Variants in WWOX observed in about 807,000 individuals in gnomAD.
The protein encoded by WWOX is WW domain-containing oxidoreductase.
In WWOX, 69 loss-of-function variants were observed where a neutral mutation model predicts 46.2. The ratio of observed to expected loss-of-function variants is 1.49; its 90% CI spans 1.23 to 1.82. The LOEUF (loss-of-function observed/expected upper bound fraction) is 1.82. WWOX is among the 40% of genes most tolerant of loss of function. The pLI is 0.00. For synonymous variants in WWOX, 359 were observed against 202.6 expected (o/e 1.77, Z -6.56); for missense variants, 919 against 542.6 (o/e 1.69, Z -6.89).
chr16:78,544,074 G>C (rs2043963881), intron 8 of WWOX, among the ~76,000 whole-genome samples: 1 of 152,154 alleles, frequency 6.6e-6, no homozygotes, highest in Admixed American at 6.5e-5. Flanking sequence ...TAGCCAAGCA[G>C]AAACCCATGT....
intron 8 of WWOX, among the ~76,000 whole-genome samples, chr16:78,846,022 C>T (rs980797226): frequency 1.3e-5 from 2 of 152,134 alleles, no homozygotes; most frequent in Non-Finnish European, 2.9e-5. Flanking sequence ...ATGCGGGAGG[C>T]ACTGCACAGG....
rs74035087 is a variant in WWOX, at chr16:79,153,961, C to G, written c.1057-57647C>G. Among the ~76,000 whole-genome samples, 34 of 152,118 alleles carry G rather than the reference C, an allele frequency of 2.2e-4. No homozygotes were observed. In the South Asian group the frequency reaches 6.8e-3, roughly 31 times the overall value. On this transcript the variant is annotated intron_variant, in intron 8 of 8. Transcript: ENST00000566780. ...GTCCACAATTTCTTGTCCTGCCTCC[C>G]GTGATGCTAGCCATGGATGCACCCC...
intron 8 of WWOX, chr16:78,890,144 A>G (rs1305013368): frequency 4.6e-5 from 7 of 152,278 alleles, no homozygotes; most frequent in South Asian, 2.1e-4. Context: ...AACAACATCA[A>G]TGTCATAACA....
At chr16:78,307,907 C>G (rs891490164) in intron 5 of WWOX, among the ~76,000 whole-genome samples, 2 of 152,184 alleles carry the variant, frequency 1.3e-5, no homozygotes, top group Admixed American at 1.3e-4. Flanking sequence ...TAATTTAGCA[C>G]AGTTTCAATT....
rs544812739 is a variant in WWOX at position 78,726,045 on chromosome 16, C to G, written c.1056+293293C>G. Among the ~76,000 whole-genome samples, 33 of 137,722 alleles carry G rather than the reference C, an allele frequency of 2.4e-4. 1 individual carries two copies. In the South Asian group the frequency reaches 8.2e-3, roughly 34 times the overall value. 90.4% of individuals were successfully genotyped at this position (137,722 alleles called of 152,430 possible). A position where few individuals can be genotyped will look rare whatever the true frequency, so the allele number is the denominator to read the frequency against. On this transcript the variant is annotated intron_variant, in intron 8 of 8. Transcript: ENST00000566780. ...TTCTAGTTCTCCTCCTTTCTTCTTTCTTACTTTTACTCCTCCCTGCTTCCC... is the reference window on the plus strand; with the variant it reads ...TTCTAGTTCTCCTCCTTTCTTCTTTGTTACTTTTACTCCTCCCTGCTTCCC...
chr16:78,371,264 C>G (rs1218767903), intron 5 of WWOX, among the ~76,000 whole-genome samples: 1 of 152,104 alleles, frequency 6.6e-6, no homozygotes, highest in African/African-American at 2.4e-5. Flanking sequence ...CTATGACTCT[C>G]TACAGATGGA....
intron 8 of WWOX, among the ~76,000 whole-genome samples, chr16:79,040,078 G>T (rs1335137131): frequency 5.3e-5 from 8 of 152,124 alleles, no homozygotes; most frequent in Non-Finnish European, 1.0e-4. Flanking sequence ...TATAAACTGG[G>T]TATAATAATC....
At chr16:78,276,917 G>A (rs1037790992) in intron 5 of WWOX, among the ~76,000 whole-genome samples, 2 of 152,174 alleles carry the variant, frequency 1.3e-5, no homozygotes, top group East Asian at 3.9e-4. Flanking sequence ...ATTTATTCAC[G>A]TCTGAGATTC....
chr16:79,165,639 G>T (rs541617770), intron 8 of WWOX, among the ~76,000 whole-genome samples: 22 of 152,296 alleles, frequency 1.4e-4, no homozygotes, highest in African/African-American at 5.3e-4. Flanking sequence ...TTGTCCAGAA[G>T]ATTCTGCCTA....
rs138267908 is a variant in WWOX at position 79,152,788 on chromosome 16, T to A, written c.1057-58820T>A. On this transcript the variant is annotated intron_variant, in intron 8 of 8. Transcript: ENST00000566780. Reference sequence around the variant, plus strand: ...ATTATTCTGCAGTGCAGCTAACATCTAGCACCTTCTTTGTGTCAGGTGGGC... The same window carrying A: ...ATTATTCTGCAGTGCAGCTAACATCAAGCACCTTCTTTGTGTCAGGTGGGC... Among the ~76,000 whole-genome samples, 13 of 152,168 alleles carry A rather than the reference T, an allele frequency of 8.5e-5. No homozygotes were observed. The East Asian group carries it at 2.5e-3, about 29-fold the overall frequency.
chr16:78,934,475 C>T (rs529337071), intron 8 of WWOX, among the ~76,000 whole-genome samples: 43 of 138,974 alleles, frequency 3.1e-4, no homozygotes, highest in African/African-American at 1.0e-3. Flanking sequence ...CGCCACTGCA[C>T]TGCAGCCTGG....
intron 8 of WWOX, among the ~76,000 whole-genome samples, chr16:79,180,692 C>T (rs990525179): frequency 6.6e-6 from 1 of 152,138 alleles, no homozygotes; most frequent in Non-Finnish European, 1.5e-5. Context: ...CTCCCTCCCT[C>T]CCTCCATTTC....
chr16:78,109,701 G>A, intron 2 of WWOX, 77 bp from the exon 3 acceptor site: 1 of 1,504,194 alleles, frequency 6.6e-7, no homozygotes. Context: ...GGGCTGGGAG[G>A]GCTCCTTCCC....
chr16:78,664,169 C>T (rs1395286407), intron 8 of WWOX, among the ~76,000 whole-genome samples: 1 of 152,094 alleles, frequency 6.6e-6, no homozygotes, highest in Middle Eastern at 3.2e-3. Flanking sequence ...GACCAGGTGA[C>T]AATAATGGAG....
chr16:79,044,323 A>C (rs2048027415), intron 8 of WWOX, among the ~76,000 whole-genome samples: 1 of 152,178 alleles, frequency 6.6e-6, no homozygotes, highest in African/African-American at 2.4e-5. Context: ...AGCTCATGTC[A>C]AAAGGTAATC....
At chr16:79,136,498 GGATTACAGGCGT>G (rs1333795984) in intron 8 of WWOX, among the ~76,000 whole-genome samples, 2 of 152,104 alleles carry the variant, frequency 1.3e-5, no homozygotes, top group Non-Finnish European at 2.9e-5. Flanking sequence ...CAAAGTGCTG[GGATTACAGGCGT>G]GAGCTACCAT....
chr16:78,363,756 T>A (rs2081466699), intron 5 of WWOX, among the ~76,000 whole-genome samples: 2 of 152,170 alleles, frequency 1.3e-5, no homozygotes, highest in Admixed American at 1.3e-4. Flanking sequence ...GAGTAGATGT[T>A]AGCAACATCA....
intron 8 of WWOX, among the ~76,000 whole-genome samples, chr16:78,959,966 T>G (rs2046242373): frequency 6.6e-6 from 1 of 152,208 alleles, no homozygotes; most frequent in Non-Finnish European, 1.5e-5. Context: ...ATAAAGGGTG[T>G]GTATAAGGTG....
chr16:78,422,690 C>T (rs796890668), intron 6 of WWOX, among the ~76,000 whole-genome samples: 2,153 of 20,448 alleles, frequency 0.11, 240 homozygotes, highest in East Asian at 0.21. Flanking sequence ...TATATACACA[C>T]ACACACACAC....
Sources: allele counts gnomAD v4.1 joint callset (sites outside exome capture counted in the v4.1 genomes callset), GRCh38; gene constraint gnomAD v4.1.1; transcripts MANE v1.5; gene names NCBI Gene and HGNC (gene_info 2026-07-23, HGNC 2026-07-21).